Variants in EYS observed in about 807,000 individuals in gnomAD.
EYS encodes protein eyes shut homolog.
A neutral mutation model predicts 282.1 loss-of-function variants in EYS; 250 were observed. The ratio of observed to expected loss-of-function variants is 0.89; its 90% confidence interval spans 0.80 to 0.98. The LOEUF is 0.98. Among genes scored for constraint, EYS ranks in the 50% least tolerant of loss-of-function variants. EYS has a pLI of 0.00. For synonymous variants in EYS, 1,355 were observed against 1,282.9 expected (o/e 1.06, Z -1.20); for missense variants, 4,016 against 3,709.0 (o/e 1.08, Z -2.15).
intron 22 of EYS, among the ~76,000 whole-genome samples, chr6:64,659,848 T>C (rs1325169013): frequency 6.6e-6 from 1 of 152,032 alleles, no homozygotes; most frequent in Non-Finnish European, 1.5e-5. Flanking sequence ...ATTATTCCAA[T>C]CAATAGAAAA....
At chr6:65,300,802 A>C (rs1364228783) in intron 11 of EYS, 32 of 152,144 alleles carry the variant, frequency 2.1e-4, no homozygotes. Flanking sequence ...AAGTGGCCTG[A>C]CCACCCACAT....
At chr6:65,106,362 C>T (rs1234208416) in intron 12 of EYS, among the ~76,000 whole-genome samples, 2 of 151,922 alleles carry the variant, frequency 1.3e-5, no homozygotes, top group Non-Finnish European at 1.5e-5. Context: ...TGTGACATTA[C>T]CACTGAGGTT....
intron 28 of EYS, among the ~76,000 whole-genome samples, chr6:64,393,236 A>G (rs1254252329): frequency 6.6e-6 from 1 of 152,232 alleles, no homozygotes; most frequent in Non-Finnish European, 1.5e-5. Flanking sequence ...TTCTGAAACC[A>G]TTCCAATCAA....
chr6:65,629,661 C>T (rs1268105328), intron 2 of EYS, among the ~76,000 whole-genome samples: 2 of 152,028 alleles, frequency 1.3e-5, no homozygotes, highest in Admixed American at 1.3e-4. Flanking sequence ...CTTTAAAAAC[C>T]CTACCCTCAA....
At chr6:64,531,396 T>C (rs1469728126) in intron 26 of EYS, among the ~76,000 whole-genome samples, 1 of 149,094 alleles carries the variant, frequency 6.7e-6, no homozygotes, top group Admixed American at 6.7e-5. Context: ...GTTTTTTGTT[T>C]TTTTTTTTTG....
At chr6:65,083,227 C>T (rs887147093) in intron 12 of EYS, among the ~76,000 whole-genome samples, 1 of 151,882 alleles carries the variant, frequency 6.6e-6, no homozygotes, top group African/African-American at 2.4e-5. Flanking sequence ...GGGAGTCCTT[C>T]AATAGAAGTC....
chr6:64,005,489 A>G (rs570683542), intron 33 of EYS, among the ~76,000 whole-genome samples: 2 of 152,104 alleles, frequency 1.3e-5, no homozygotes, highest in Admixed American at 6.5e-5. Flanking sequence ...CTTATTTGTC[A>G]AGTTTTGTTT....
intron 14 of EYS, among the ~76,000 whole-genome samples, chr6:64,990,201 A>G (rs1583367702): frequency 6.6e-6 from 1 of 151,564 alleles, no homozygotes; most frequent in East Asian, 1.9e-4. Context: ...GTTCTGAAAG[A>G]AAGTGTGATT....
chr6:64,517,190 C>A (rs2150523140), intron 26 of EYS, among the ~76,000 whole-genome samples: 1 of 151,678 alleles, frequency 6.6e-6, no homozygotes, highest in East Asian at 1.9e-4. Context: ...GCAGATAGGG[C>A]CAAATAATTA....
chr6:65,448,123 C>T (rs1768745138), intron 5 of EYS, among the ~76,000 whole-genome samples: 1 of 151,960 alleles, frequency 6.6e-6, no homozygotes, highest in Middle Eastern at 3.2e-3. Flanking sequence ...CTTGCCCTAT[C>T]CACTAAATTC....
At chr6:65,648,558 A>G (rs1370985119) in intron 1 of EYS, among the ~76,000 whole-genome samples, 4 of 152,074 alleles carry the variant, frequency 2.6e-5, no homozygotes, top group African/African-American at 9.7e-5. Context: ...CTTGGGAGAA[A>G]TGGTGGGAGG....
At position 65,176,468 on chromosome 6, in the gene EYS, A is replaced by C. The variant is rs193288737; in HGVS notation, c.2024-118741T>G. Among the ~76,000 whole-genome samples, 140 of 151,772 alleles carry C rather than the reference A, an allele frequency of 9.2e-4. 1 individual carries two copies. Among genetic ancestry groups the C allele is most frequent in the African/African-American group, 3.3e-3 (137 of 41,524 alleles). On this transcript the variant is annotated intron_variant, in intron 12 of 42. Transcript: ENST00000503581. ...ATTCACAACACAAAACTTAGGTTATAATTTTACTTTTATATAATGACATTT... is the reference window on the plus strand; with the variant it reads ...ATTCACAACACAAAACTTAGGTTATCATTTTACTTTTATATAATGACATTT...
intron 30 of EYS, among the ~76,000 whole-genome samples, chr6:64,280,934 G>GTTTT (rs1490570653): frequency 6.6e-6 from 1 of 152,054 alleles, no homozygotes; most frequent in African/African-American, 2.4e-5. Flanking sequence ...TTTATATGCA[G>GTTTT]TTTTTTGGAA....
At chr6:65,515,890 A>T (rs983139611) in intron 2 of EYS, among the ~76,000 whole-genome samples, 1 of 151,672 alleles carries the variant, frequency 6.6e-6, no homozygotes, top group Non-Finnish European at 1.5e-5. Flanking sequence ...ATGTATACAT[A>T]TGTAACTAAC....
intron 31 of EYS, among the ~76,000 whole-genome samples, chr6:64,125,194 A>ATCTCTCTCTCTCTC (rs1562213634): frequency 6.8e-6 from 1 of 146,004 alleles, no homozygotes; most frequent in African/African-American, 2.7e-5. Context: ...CTCTCTCTCA[A>ATCTCTCTCTCTCTC]GGAGTAATGA....
rs545346951 is a variant in EYS at position 65,199,972 on chromosome 6, T to C, written c.2023+95891A>G. On this transcript the variant is annotated intron_variant, in intron 12 of 42. Coordinates refer to ENST00000503581, the MANE Select transcript of EYS (RefSeq NM_001142800.2). ...CATGGATGAGTATAAACAGATTATATTGGGGTTTTAGAGAGAATACTCTGT... is the reference window on the plus strand; with the variant it reads ...CATGGATGAGTATAAACAGATTATACTGGGGTTTTAGAGAGAATACTCTGT... Among the ~76,000 whole-genome samples, 4 of 151,694 alleles carry C rather than the reference T, an allele frequency of 2.6e-5. No homozygotes were observed. The Middle Eastern group carries it at 0.014, about 516-fold the overall frequency.
chr6:65,392,617 A>G (rs1766091352), intron 7 of EYS, among the ~76,000 whole-genome samples: 1 of 152,148 alleles, frequency 6.6e-6, no homozygotes, highest in Non-Finnish European at 1.5e-5. Flanking sequence ...CAAAACCACA[A>G]TGAGATACCA....
chr6:64,820,363 C>A (rs116091181), intron 21 of EYS, among the ~76,000 whole-genome samples: 1,793 of 152,048 alleles, frequency 0.012, 36 homozygotes, highest in African/African-American at 0.04. Context: ...TCAAAAATGT[C>A]TATTTACTGA....
At chr6:64,055,121 A>T (rs1770936492) in intron 33 of EYS, among the ~76,000 whole-genome samples, 1 of 152,144 alleles carries the variant, frequency 6.6e-6, no homozygotes, top group Non-Finnish European at 1.5e-5. Context: ...CCATTTATGA[A>T]GCTGCAAAGG....
Sources: gnomAD v4.1 joint callset for allele counts (sites outside exome capture counted in the v4.1 genomes callset) on GRCh38, gnomAD v4.1.1 for gene constraint, MANE v1.5 for transcripts, NCBI Gene and HGNC (gene_info 2026-07-23, HGNC 2026-07-21) for gene names.